ADGRL3: variants seen among roughly 807,000 people sequenced by gnomAD.
The protein encoded by ADGRL3 is calcium-independent alpha-latrotoxin receptor 3.
Under a neutral mutation model 153.5 loss-of-function variants are expected in ADGRL3, and 62 were observed. The ratio of observed to expected loss-of-function variants is 0.40; its 90% confidence interval spans 0.33 to 0.50. The LOEUF (loss-of-function observed/expected upper bound fraction) is 0.50, where lower values mean the gene tolerates loss of function less well. Ranked by LOEUF, ADGRL3 falls within the 20% of genes least tolerant of loss-of-function variation. The pLI is 0.47. For missense variants in ADGRL3, 1,641 were observed against 1,859.4 expected, an observed-to-expected ratio of 0.88 and a Z score of 2.16; for synonymous variants, 710 against 672.5, an observed-to-expected ratio of 1.06 and a Z score of -0.86.
chr4:61,611,975 T>G (rs1047220595), intron 5 of ADGRL3, among the ~76,000 whole-genome samples: 2 of 152,134 alleles, frequency 1.3e-5, no homozygotes, highest in South Asian at 4.1e-4. Context: ...TTTGCCTTAG[T>G]GTTTTAGAAT....
intron 8 of ADGRL3, among the ~76,000 whole-genome samples, chr4:61,812,409 T>C (rs2097639965): frequency 6.6e-6 from 1 of 152,214 alleles, no homozygotes; most frequent in South Asian, 2.1e-4. Context: ...TCAGCGGAGC[T>C]TATTACAAGT....
intron 9 of ADGRL3, among the ~76,000 whole-genome samples, chr4:61,869,028 G>A (rs1419113680): frequency 6.6e-6 from 1 of 151,998 alleles, no homozygotes; most frequent in Non-Finnish European, 1.5e-5. Flanking sequence ...CTGCAGCCTC[G>A]ACCTACTGGG....
At chr4:61,260,966 T>A (rs2149585400) in intron 1 of ADGRL3, among the ~76,000 whole-genome samples, 1 of 152,004 alleles carries the variant, frequency 6.6e-6, no homozygotes, top group East Asian at 1.9e-4. Context: ...GCTAAAGAGA[T>A]CCTCCCCTCT....
At chr4:61,203,047 T>TG (rs1167528693) in intron 1 of ADGRL3, among the ~76,000 whole-genome samples, 1 of 152,128 alleles carries the variant, frequency 6.6e-6, no homozygotes, top group Non-Finnish European at 1.5e-5. Flanking sequence ...CTCGGCGACA[T>TG]GCGTGCGGCG....
intron 5 of ADGRL3, among the ~76,000 whole-genome samples, chr4:61,673,411 A>G (rs1482440837): frequency 6.6e-6 from 1 of 151,878 alleles, no homozygotes; most frequent in African/African-American, 2.4e-5. Context: ...GGTAAGAGGG[A>G]TACCAAAAAG....
intron 2 of ADGRL3, among the ~76,000 whole-genome samples, chr4:61,452,774 CT>C: frequency 6.6e-6 from 1 of 152,124 alleles, no homozygotes. Context: ...GATTTACTTT[CT>C]TTAGATAACA....
At chr4:61,946,819 T>A in intron 15 of ADGRL3, 95 bp from the exon 16 acceptor site, 5 of 925,582 alleles carry the variant, frequency 5.4e-6, no homozygotes, top group Non-Finnish European at 8.6e-6. Flanking sequence ...ATTTTTTGTG[T>A]GAATACATAC....
chr4:61,296,132 G>C (rs1467586489), intron 1 of ADGRL3, among the ~76,000 whole-genome samples: 1 of 152,148 alleles, frequency 6.6e-6, no homozygotes, highest in Non-Finnish European at 1.5e-5. Flanking sequence ...TACAAAAAAG[G>C]TATTTTAAAA....
chr4:61,391,645 T>TAAG (rs2096803711), intron 2 of ADGRL3, among the ~76,000 whole-genome samples: 1 of 152,078 alleles, frequency 6.6e-6, no homozygotes, highest in Non-Finnish European at 1.5e-5. Context: ...TTTTTATTTC[T>TAAG]AAGTTTCATT....
chr4:61,353,267 T>G (rs1279590782), intron 1 of ADGRL3, among the ~76,000 whole-genome samples: 1 of 152,184 alleles, frequency 6.6e-6, no homozygotes, highest in African/African-American at 2.4e-5. Flanking sequence ...ATGCTATATA[T>G]AGTTATATAA....
chr4:61,236,294 G>A (rs1420523061), intron 1 of ADGRL3, among the ~76,000 whole-genome samples: 1 of 152,082 alleles, frequency 6.6e-6, no homozygotes, highest in African/African-American at 2.4e-5. Flanking sequence ...ACAGGCTTGA[G>A]CCACTGTGCC....
chr4:61,371,100 C>T (rs1443603196), intron 1 of ADGRL3, among the ~76,000 whole-genome samples: 1 of 149,090 alleles, frequency 6.7e-6, no homozygotes, highest in Non-Finnish European at 1.5e-5. Context: ...TTCCTCCATC[C>T]TTTTATTTTG....
At chr4:61,428,510 A>C (rs2097309520) in intron 2 of ADGRL3, among the ~76,000 whole-genome samples, 1 of 152,212 alleles carries the variant, frequency 6.6e-6, no homozygotes, top group Admixed American at 6.5e-5. Flanking sequence ...GATCTGAAAA[A>C]ATTCTAGTGC....
rs1314154586 is a variant in ADGRL3, at chr4:62,076,402, T to C, written c.*5494T>C. 1 of 152,018 alleles carries C rather than the reference T, an allele frequency of 6.6e-6. No individual in the cohort carries two copies. Among genetic ancestry groups the C allele is most frequent in the Non-Finnish European group, 1.5e-5 (1 of 67,942 alleles). 9.4% of individuals were successfully genotyped at this position (152,018 alleles called of 1,614,324 possible). ...TATGTGAAGAAATCAAGAAAGACTA[T>C]ACATGAACAAATCTCTATTGGGATA... is the stretch of plus-strand genomic sequence containing the variant. On this transcript the variant is annotated 3_prime_UTR_variant, in exon 27 of 27. Transcript: ENST00000683033.
chr4:61,964,253 A>G (rs2150534557), intron 17 of ADGRL3, among the ~76,000 whole-genome samples: 1 of 152,304 alleles, frequency 6.6e-6, no homozygotes, highest in Non-Finnish European at 1.5e-5. Flanking sequence ...TATTTTAGGG[A>G]TTGAATAACA....
intron 4 of ADGRL3, among the ~76,000 whole-genome samples, chr4:61,540,254 T>A (rs2098681680): frequency 6.6e-6 from 1 of 152,112 alleles, no homozygotes; most frequent in Non-Finnish European, 1.5e-5. Context: ...CTGAGTTAAA[T>A]ACAGTGGAAA....
chr4:61,607,380 C>T (rs371675654), intron 5 of ADGRL3, among the ~76,000 whole-genome samples: 12 of 152,166 alleles, frequency 7.9e-5, no homozygotes, highest in South Asian at 2.1e-4. Flanking sequence ...GGGCGGATTA[C>T]GAGGTCAGGA....
chr4:61,439,159 C>A (rs1368785828), intron 2 of ADGRL3, among the ~76,000 whole-genome samples: 1 of 152,138 alleles, frequency 6.6e-6, no homozygotes, highest in African/African-American at 2.4e-5. Context: ...TTAAAAATTT[C>A]TGATATGGGT....
intron 6 of ADGRL3, among the ~76,000 whole-genome samples, chr4:61,707,582 G>C (rs2095877160): frequency 6.6e-6 from 1 of 151,818 alleles, no homozygotes; most frequent in African/African-American, 2.4e-5. Flanking sequence ...TTTTTTTAAG[G>C]TTATGTTAGA....
Sources: allele counts gnomAD v4.1 joint callset (sites outside exome capture counted in the v4.1 genomes callset), GRCh38; gene constraint gnomAD v4.1.1; transcripts MANE v1.5; gene names NCBI Gene and HGNC (gene_info 2026-07-23, HGNC 2026-07-21).